The following SAMD3 variants were observed in gnomAD, a reference collection of about 807,000 sequenced individuals.
The protein encoded by SAMD3 is sterile alpha motif domain-containing protein 3.
In SAMD3, 63 loss-of-function variants were observed where a neutral mutation model predicts 58.5. The observed-to-expected ratio is 1.08, with a 90% CI of 0.88 to 1.33. The LOEUF is 1.33. SAMD3 is among the 40% of genes most tolerant of loss of function. SAMD3 has a pLI of 0.00. For synonymous variants in SAMD3, 220 were observed against 210.3 expected, an observed-to-expected ratio of 1.05 and a Z score of -0.40; for missense variants, 604 against 608.4, an observed-to-expected ratio of 0.99 and a Z score of 0.08.
At chr6:130,235,265 A>G (rs10485398) in intron 2 of SAMD3, among the ~76,000 whole-genome samples, 21,707 of 152,248 alleles carry the variant, frequency 0.14, 1,770 homozygotes, top group East Asian at 0.36. Flanking sequence ...GAACTAAATC[A>G]TATTGTGTGT....
intron 2 of SAMD3, among the ~76,000 whole-genome samples, chr6:130,253,508 C>A (rs1773815508): frequency 6.6e-6 from 1 of 151,972 alleles, no homozygotes; most frequent in Non-Finnish European, 1.5e-5. Flanking sequence ...ACAATGTGAT[C>A]CATTTTCTTG....
intron 9 of SAMD3, 53 bp from the exon 10 acceptor site, chr6:130,146,234 A>G (rs1304356687): frequency 6.0e-6 from 7 of 1,165,030 alleles, no homozygotes; most frequent in Middle Eastern, 3.0e-4. Flanking sequence ...AAGCTAATAT[A>G]TAGAATGTAA....
At chr6:130,321,195 A>C (rs934356279) in intron 1 of SAMD3, among the ~76,000 whole-genome samples, 33 of 152,186 alleles carry the variant, frequency 2.2e-4, no homozygotes, top group Admixed American at 2.2e-3. Context: ...CATGCTCTGT[A>C]CCAGTCTTTC....
intron 2 of SAMD3, among the ~76,000 whole-genome samples, chr6:130,231,152 A>G (rs552723700): frequency 6.6e-6 from 1 of 152,232 alleles, no homozygotes; most frequent in Non-Finnish European, 1.5e-5. Context: ...TAAATCTTAT[A>G]TATTTTAATA....
chr6:130,325,624 C>T (rs1323135525), intron 1 of SAMD3, among the ~76,000 whole-genome samples: 1 of 152,202 alleles, frequency 6.6e-6, no homozygotes, highest in African/African-American at 2.4e-5. Flanking sequence ...CACAGACACA[C>T]CCAGAAATAA....
At chr6:130,290,421 C>T (rs117825621) in intron 2 of SAMD3, among the ~76,000 whole-genome samples, 3 of 152,316 alleles carry the variant, frequency 2.0e-5, no homozygotes, top group Non-Finnish European at 4.4e-5. Context: ...AGATGAGGCT[C>T]ACCCATGATA....
At position 130,221,045 on chromosome 6, in the gene SAMD3, G is replaced by A. The variant is rs376610006; in HGVS notation, c.-68+1649C>T. On this transcript the variant is annotated intron_variant, in intron 1 of 11. Transcript: ENST00000439090. Reference sequence around the variant, plus strand: ...ATTTTTTTGTGTTTTTAGTAGAGACGGGGTTTCACTGTGTTAGCCAGGATG... The same window carrying A: ...ATTTTTTTGTGTTTTTAGTAGAGACAGGGTTTCACTGTGTTAGCCAGGATG... 5.7e-4 allele frequency among the ~76,000 whole-genome samples: 87 copies of A among 151,986 alleles called. No homozygotes were observed. The East Asian group carries it at 0.01, about 18-fold the overall frequency.
chr6:130,208,445 G>A (rs544434932), intron 5 of SAMD3, among the ~76,000 whole-genome samples: 134 of 152,246 alleles, frequency 8.8e-4, no homozygotes, highest in African/African-American at 2.9e-3. Context: ...GGTGAGCAGC[G>A]GGTGAGCGAG....
intron 2 of SAMD3, 71 bp from the exon 3 acceptor site, chr6:130,215,365 T>C: frequency 7.8e-7 from 1 of 1,283,076 alleles, no homozygotes; most frequent in East Asian, 2.6e-5. Context: ...TTTTTAACAG[T>C]CAGCCGCTTC....
At chr6:130,288,612 C>G (rs4897399) in intron 2 of SAMD3, among the ~76,000 whole-genome samples, 42,341 of 152,038 alleles carry the variant, frequency 0.28, 6,360 homozygotes, top group East Asian at 0.45. Context: ...AGGGTCACCT[C>G]CACCAATGTA....
chr6:130,171,590 C>T (rs9492473), intron 8 of SAMD3, among the ~76,000 whole-genome samples: 8,639 of 152,130 alleles, frequency 0.057, 261 homozygotes, highest in Non-Finnish European at 0.072. Flanking sequence ...TTATGATTTC[C>T]ATTCTTTTAC....
intron 2 of SAMD3, among the ~76,000 whole-genome samples, chr6:130,276,876 T>C (rs931109180): frequency 3.9e-5 from 6 of 151,918 alleles, no homozygotes; most frequent in Middle Eastern, 3.4e-3. Context: ...GAGATGAAAA[T>C]AGGGGTGTGG....
At chr6:130,209,133 C>G (rs1325078899) in intron 5 of SAMD3, among the ~76,000 whole-genome samples, 2 of 152,176 alleles carry the variant, frequency 1.3e-5, no homozygotes, top group African/African-American at 4.8e-5. Flanking sequence ...CTACAAAATT[C>G]AAAACAAAAA....
chr6:130,219,765 C>T (rs1796141759), intron 1 of SAMD3, among the ~76,000 whole-genome samples: 1 of 152,104 alleles, frequency 6.6e-6, no homozygotes, highest in Non-Finnish European at 1.5e-5. Context: ...CACATTTTTG[C>T]AATTGAGAAT....
intron 1 of SAMD3, among the ~76,000 whole-genome samples, chr6:130,313,450 A>G (rs918418563): frequency 6.6e-6 from 1 of 152,210 alleles, no homozygotes; most frequent in Non-Finnish European, 1.5e-5. Context: ...ATTACCCTAC[A>G]TTGATAACCA....
chr6:130,314,813 A>G (rs1776305103), intron 1 of SAMD3, among the ~76,000 whole-genome samples: 2 of 152,166 alleles, frequency 1.3e-5, no homozygotes, highest in South Asian at 4.1e-4. Context: ...TATGAACAAA[A>G]CTTTGACCTG....
chr6:130,205,331 T>C (rs935494965), intron 5 of SAMD3, among the ~76,000 whole-genome samples: 1 of 151,898 alleles, frequency 6.6e-6, no homozygotes, highest in Non-Finnish European at 1.5e-5. Flanking sequence ...TGGGACAGAG[T>C]CTCACTATGT....
intron 2 of SAMD3, among the ~76,000 whole-genome samples, chr6:130,274,307 C>T (rs927064485): frequency 1.3e-5 from 2 of 152,078 alleles, no homozygotes; most frequent in Non-Finnish European, 2.9e-5. Flanking sequence ...TTGGACCAAC[C>T]CAGTTCTCTC....
intron 5 of SAMD3, among the ~76,000 whole-genome samples, chr6:130,187,813 C>G (rs1396050664): frequency 6.6e-6 from 1 of 152,184 alleles, no homozygotes; most frequent in Non-Finnish European, 1.5e-5. Flanking sequence ...GTTCCCACCT[C>G]AGAACCAGGC....
Sources: gnomAD v4.1 joint callset for allele counts (sites outside exome capture counted in the v4.1 genomes callset) on GRCh38, gnomAD v4.1.1 for gene constraint, MANE v1.5 for transcripts, NCBI Gene and HGNC (gene_info 2026-07-23, HGNC 2026-07-21) for gene names.